The following ISOC2 variants were observed in gnomAD, a reference collection of about 807,000 sequenced individuals.
ISOC2 encodes isochorismatase domain containing 2.
ISOC2 carries 15 observed loss-of-function variants against 19.3 expected under a neutral mutation model. The ratio of observed to expected loss-of-function variants is 0.78; its 90% CI spans 0.52 to 1.20. ISOC2 has a LOEUF of 1.20. Among genes scored for constraint, ISOC2 ranks in the 50% most tolerant of loss-of-function variants. The pLI is 0.00. For missense variants in ISOC2, 285 were observed against 272.4 expected (o/e 1.05, Z -0.33); for synonymous variants, 106 against 115.8 (o/e 0.92, Z 0.54).
In ISOC2 at chr19:55,455,729, G is replaced by A. The variant is rs1986032149; in HGVS notation, c.255C>T (p.Phe85=). ...EGLRPLAKTC[F]SMVPALQQEL... is the part of the protein sequence containing the mutation. ...CCTGCTGCAGGGCAGGCACCATGCT[G>A]AAGCAGGTCTTGGCCAGCGGCCGAA... The change falls in exon 3 of 6, where the codon TTC becomes TTT. Residue 85 remains phenylalanine (F), a synonymous_variant. Coordinates refer to ENST00000425675, the MANE Select transcript of ISOC2 (RefSeq NM_001136201.2). 7 of 1,609,518 alleles carry A rather than the reference G, an allele frequency of 4.3e-6. No individual in the cohort carries two copies. Among genetic ancestry groups the A allele is most frequent in the Non-Finnish European group, 5.9e-6 (7 of 1,178,596 alleles).
rs761217454 is a variant in ISOC2, at chr19:55,455,264, G to A, written c.415C>T (p.Arg139Cys). 23 of 1,610,492 alleles carry A rather than the reference G, an allele frequency of 1.4e-5. No homozygotes were observed. The highest frequency in any genetic ancestry group is 1.7e-4 in the Middle Eastern group (1 of 5,896). The change falls in exon 4 of 6, where the codon CGC becomes TGC. Residue 139 changes from arginine (R) to cysteine (C), a missense_variant. Coordinates refer to ENST00000425675, the MANE Select transcript of ISOC2 (RefSeq NM_001136201.2). The stretch of plus-strand genomic sequence containing the variant: ...CCCAGGCAGGGGCCCTCTCACCTGC[G>A]TGAGGAGCAGGCGTCCACCACCACA... The part of the protein sequence containing the change: ...VHVVVDACSS[R>C]SQVDRLVALA...
chr19:55,455,660 G>C lies in ISOC2; in HGVS notation c.324C>G (p.Gly108=), dbSNP rs747161795. 4.4e-6 allele frequency: 7 copies of C among 1,600,136 alleles called. No individual in the cohort carries two copies. Among genetic ancestry groups the C allele is most frequent in the Admixed American group, 1.7e-5 (1 of 59,232 alleles). Residue 108 remains glycine (G), a synonymous_variant, in exon 3 of 6, where the codon GGC becomes GGG. Coordinates refer to ENST00000425675, the MANE Select transcript of ISOC2 (RefSeq NM_001136201.2). The part of the protein sequence containing the change: ...RPQLRSVLLC[G]IEAQACILNT... Reference sequence around the variant, plus strand: ...CCAAGATGCAGGCCTGTGCCTCAATGCCACAGAGCAGCACAGAGCGCAGCT... The same window carrying C: ...CCAAGATGCAGGCCTGTGCCTCAATCCCACAGAGCAGCACAGAGCGCAGCT...
In ISOC2 at chr19:55,453,236, G is replaced by T; in HGVS notation, c.*72C>A. 1 of 1,130,316 alleles carries T rather than the reference G, an allele frequency of 8.8e-7. No individual in the cohort carries two copies. The highest frequency in any genetic ancestry group is 1.3e-6 in the Non-Finnish European group (1 of 789,198). The allele number at this position is 1,130,316 out of a possible 1,614,324, so 70.0% of individuals were successfully genotyped here. A position where few individuals can be genotyped will look rare whatever the true frequency, so the allele number is the denominator to read the frequency against. On this transcript the variant is annotated 3_prime_UTR_variant, in exon 6 of 6. Coordinates refer to ENST00000425675, the MANE Select transcript of ISOC2 (RefSeq NM_001136201.2). The stretch of plus-strand genomic sequence containing the variant: ...GATCGCACCACTCTTGGGATCCAGG[G>T]ATGGGGGGAACGGGCTTCCACTGAG...
chr19:55,460,504 T>C (rs1171510497), intron 1 of ISOC2, among the ~76,000 whole-genome samples: 3 of 152,188 alleles, frequency 2.0e-5, no homozygotes, highest in African/African-American at 7.2e-5. Context: ...GTCTAGTCAA[T>C]ACTATATACA....
intron 5 of ISOC2, chr19:55,454,613 G>A (rs8105272): frequency 0.069 from 14,687 of 212,836 alleles, 662 homozygotes; most frequent in Middle Eastern, 0.13. Flanking sequence ...GGGTGTGGAC[G>A]GGTCAAGGGG....
chr19:55,460,401 G>C (rs1294979203), intron 1 of ISOC2, among the ~76,000 whole-genome samples: 3 of 152,238 alleles, frequency 2.0e-5, no homozygotes, highest in Non-Finnish European at 4.4e-5. Context: ...GGGAGACTCA[G>C]GCGGGTGAAC....
At chr19:55,454,780 C>CT (rs1007827586) in intron 5 of ISOC2, 2 of 589,776 alleles carry the variant, frequency 3.4e-6, no homozygotes, top group Non-Finnish European at 3.0e-6. Flanking sequence ...GATTGCCTCC[C>CT]CCATTTTATT....
chr19:55,456,516 T>A (rs1251523464), intron 1 of ISOC2, 27 bp from the exon 2 acceptor site: 25 of 1,611,758 alleles, frequency 1.6e-5, no homozygotes, highest in Non-Finnish European at 2.0e-5. Flanking sequence ...GGACGGTGGG[T>A]CAGGCCCGAG....
Position 55,455,024 on chromosome 19 carries a change from G to C in ISOC2, c.502C>G (p.Leu168Val). ...LSTSEGLILQLVGDAVHPQFK... is the reference protein window; with the variant it reads ...LSTSEGLILQVVGDAVHPQFK... ...TGGGGGTGGACGGCATCGCCCACAAGCTGCAGAATGAGCCCTTCGCTGGTG... is the reference window on the plus strand; with the variant it reads ...TGGGGGTGGACGGCATCGCCCACAACCTGCAGAATGAGCCCTTCGCTGGTG... The change falls in exon 5 of 6, where the codon CTT (leucine) becomes GTT (valine). Residue 168 changes from leucine (L) to valine (V), a missense_variant. Leu to Val is a conservative substitution (Grantham distance 32). Transcript: ENST00000425675. 6.2e-7 allele frequency: 1 copy of C among 1,613,580 alleles called. No homozygotes were observed. Among genetic ancestry groups the C allele is most frequent in the South Asian group, 1.1e-5 (1 of 91,088 alleles).
intron 5 of ISOC2, chr19:55,454,764 C>A: frequency 1.7e-6 from 1 of 576,940 alleles, no homozygotes; most frequent in Non-Finnish European, 3.1e-6. Context: ...GTGCCCTGAC[C>A]CTCTGGATTG....
chr19:55,456,450 G>A lies in ISOC2; in HGVS notation c.37C>T (p.Pro13Ser). The change falls in exon 2 of 6, where the codon CCA (proline) becomes TCA (serine). Residue 13 changes from proline to serine, a missense_variant. Pro to Ser is a moderately conservative substitution (Grantham distance 74). Transcript: ENST00000425675. The stretch of plus-strand genomic sequence containing the variant: ...CACAGGAACAGGACAGAGGATCCTG[G>A]GAGGACTCGGCCCAGGCTGGGCCTG... ...AARPSLGRVL[P>S]GSSVLFLCDM... 3 of 1,613,848 alleles carry A rather than the reference G, an allele frequency of 1.9e-6. No individual in the cohort carries two copies. The African/African-American group carries it at 4.0e-5, about 22-fold the overall frequency.
Position 55,453,179 on chromosome 19 carries a change from G to GCCC in ISOC2, c.*126_*128dup, listed in dbSNP as rs3214450. ...CTGTCCAATGGGAAGGCAGCACCCT[G>GCCC]CCCCCCCCACAAGGGGGCGGCACTC... On this transcript the variant is annotated 3_prime_UTR_variant, in exon 6 of 6. Transcript: ENST00000425675. The GCCC allele has an allele frequency of 2.8e-3, 1,509 of 539,546 alleles. 2 individuals are homozygous for GCCC. The highest frequency in any genetic ancestry group is 4.1e-3 in the East Asian group (113 of 27,818). 33.4% of individuals were successfully genotyped at this position (539,546 alleles called of 1,614,324 possible).
intron 1 of ISOC2, among the ~76,000 whole-genome samples, chr19:55,458,710 T>C (rs1468019467): frequency 6.6e-6 from 1 of 150,986 alleles, no homozygotes; most frequent in Non-Finnish European, 1.5e-5. Context: ...GTATTTTTAG[T>C]AGAGATGGGG....
intron 1 of ISOC2, among the ~76,000 whole-genome samples, chr19:55,460,352 A>G (rs374894358): frequency 2.0e-5 from 3 of 152,332 alleles, no homozygotes; most frequent in South Asian, 2.1e-4. Flanking sequence ...TGTGTTGCCT[A>G]TATCTATATC....
chr19:55,455,852 C>T lies in ISOC2; in HGVS notation c.139-7G>A. ...CCTCAAGCAGCCGGGCCACCTGTGC[C>T]AGTGATGGGGAAGAAAGGTCAGGGT... On this transcript the variant is annotated splice_polypyrimidine_tract_variant and splice_region_variant and intron_variant, in intron 2 of 5. Coordinates refer to ENST00000425675, the MANE Select transcript of ISOC2 (RefSeq NM_001136201.2). 1 of 1,419,680 alleles carries T rather than the reference C, an allele frequency of 7.0e-7. No homozygotes were observed. The highest frequency in any genetic ancestry group is 9.3e-7 in the Non-Finnish European group (1 of 1,075,814). 87.9% of individuals were successfully genotyped at this position (1,419,680 alleles called of 1,614,324 possible). A position where few individuals can be genotyped will look rare whatever the true frequency, so the allele number is the denominator to read the frequency against.
Position 55,452,995 on chromosome 19 carries a change from T to G in ISOC2, c.*313A>C. On this transcript the variant is annotated 3_prime_UTR_variant, in exon 6 of 6. Coordinates refer to ENST00000425675, the MANE Select transcript of ISOC2 (RefSeq NM_001136201.2). ...AAGAATGGTTTGGTCCACAGCCACA[T>G]ATATGTTTATTCTGCGAGTCCGTGT... 7.5e-5 allele frequency: 16 copies of G among 212,808 alleles called. No individual in the cohort carries two copies. The highest frequency in any genetic ancestry group is 2.2e-4 in the East Asian group (2 of 9,140). 13.2% of individuals were successfully genotyped at this position (212,808 alleles called of 1,614,324 possible). A position where few individuals can be genotyped will look rare whatever the true frequency, so the allele number is the denominator to read the frequency against.
chr19:55,456,395 A>G lies in ISOC2; in HGVS notation c.92T>C (p.Ile31Thr), dbSNP rs769619263. ...CDMQEKFRHN[I>T]AYFPQIVSVA... ...TGAGACGATCTGTGGGAAGTAGGCG[A>G]TGTTGTGGCGGAACTTCTCCTGCAT... Residue 31 changes from isoleucine (I) to threonine (T), a missense_variant, in exon 2 of 6, where the codon ATC becomes ACC. Physicochemically the swap from Ile to Thr is moderately conservative, Grantham distance 89. Coordinates refer to ENST00000425675, the MANE Select transcript of ISOC2 (RefSeq NM_001136201.2). The G allele has an allele frequency of 1.2e-6, 2 of 1,613,734 alleles. No homozygotes were observed. The highest frequency in any genetic ancestry group is 2.2e-5 in the East Asian group (1 of 44,840).
chr19:55,456,736 C>T (rs1021610328), intron 1 of ISOC2, among the ~76,000 whole-genome samples: 55 of 152,304 alleles, frequency 3.6e-4, no homozygotes, highest in Admixed American at 2.5e-3. Flanking sequence ...CACGTGGCTC[C>T]GGGTGTCCCT....
At chr19:55,453,960 C>T (rs981268482) in intron 5 of ISOC2, 12 of 152,510 alleles carry the variant, frequency 7.9e-5, no homozygotes, top group Middle Eastern at 3.4e-3. Flanking sequence ...CCCTCCTCCC[C>T]TCTATGCCAC....
Sources: allele counts gnomAD v4.1 joint callset (sites outside exome capture counted in the v4.1 genomes callset), GRCh38; gene constraint gnomAD v4.1.1; transcripts MANE v1.5; gene names NCBI Gene and HGNC (gene_info 2026-07-23, HGNC 2026-07-21).